Variants in SLC12A8 observed in about 807,000 individuals in gnomAD.
SLC12A8 encodes cation-chloride cotransporter 9.
In SLC12A8, 69 loss-of-function variants were observed where a neutral mutation model predicts 75.6. That is an observed-to-expected ratio of 0.91 (90% CI 0.75 to 1.11). The LOEUF (loss-of-function observed/expected upper bound fraction) is 1.11. Among genes scored for constraint, SLC12A8 ranks in the 50% most tolerant of loss-of-function variants. The pLI is 0.00. For synonymous variants in SLC12A8, 365 were observed against 372.8 expected (o/e 0.98, Z 0.24); for missense variants, 877 against 896.7 (o/e 0.98, Z 0.28).
rs773520894 is a variant in SLC12A8, at chr3:125,083,922, C to A, written c.2113G>T (p.Val705Leu). ...TRDRYHHSSL[V>L]NREQLMPHY Reference sequence around the variant, plus strand: ...TGAGGCATCAGCTGCTCCCGGTTCACGAGGGAGGAGTGGTGGTAGCGATCC... The same window carrying A: ...TGAGGCATCAGCTGCTCCCGGTTCAAGAGGGAGGAGTGGTGGTAGCGATCC... Residue 705 changes from valine to leucine, a missense_variant, in exon 14 of 14, where the codon GTG becomes TTG. Val to Leu is a conservative substitution (Grantham distance 32). Coordinates refer to ENST00000469902, the MANE Select transcript of SLC12A8 (RefSeq NM_024628.6). 11 of 1,613,208 alleles carry A rather than the reference C, an allele frequency of 6.8e-6. No homozygotes were observed. In the South Asian group the frequency reaches 7.7e-5, roughly 11 times the overall value.
chr3:125,125,623 C>T (rs913838298), intron 6 of SLC12A8, among the ~76,000 whole-genome samples: 4 of 152,070 alleles, frequency 2.6e-5, no homozygotes, highest in Non-Finnish European at 5.9e-5. Context: ...CTAGGTGATA[C>T]CCTAGCGATC....
At chr3:125,085,523 G>C (rs1938434495) in intron 13 of SLC12A8, among the ~76,000 whole-genome samples, 1 of 152,060 alleles carries the variant, frequency 6.6e-6, no homozygotes, top group Non-Finnish European at 1.5e-5. Flanking sequence ...GACTGGGAGG[G>C]GAACTCAAAA....
At position 125,120,598 on chromosome 3, in the gene SLC12A8, C is replaced by G. The variant is rs574834146; in HGVS notation, c.824+1G>C. The G allele has an allele frequency of 6.2e-7, 1 of 1,611,154 alleles. No homozygotes were observed. The highest frequency in any genetic ancestry group is 8.5e-7 in the Non-Finnish European group (1 of 1,177,922). ...GACTGATTGCCATGAGGGGAACTTA[C>G]GAGATGCCAACAGCTGCCAGGGAGC... On this transcript the variant is annotated splice_donor_variant, in intron 7 of 13. Transcript: ENST00000469902. LOFTEE classifies it high-confidence loss of function.
intron 4 of SLC12A8, among the ~76,000 whole-genome samples, chr3:125,181,824 A>G (rs1934670304): frequency 6.6e-6 from 1 of 152,030 alleles, no homozygotes. Flanking sequence ...TAGCCTGATT[A>G]CAAAGAAAAG....
At position 125,187,368 on chromosome 3, in the gene SLC12A8, C is replaced by T. The variant is rs369884855; in HGVS notation, c.259G>A (p.Val87Ile). Residue 87 changes from valine (V) to isoleucine (I), a missense_variant, in exon 4 of 14, where the codon GTC (valine) becomes ATC (isoleucine). By Grantham distance (29) the Val-to-Ile change is conservative. Coordinates refer to ENST00000469902, the MANE Select transcript of SLC12A8 (RefSeq NM_024628.6). ...ACGCCAATGCCAGACAGCACCGTGA[C>T]GAGGGCCACCAGGATGACGAAGGAC... ...LVSFVILVAL[V>I]TVLSGIGVGE... 5.2e-5 allele frequency: 84 copies of T among 1,614,052 alleles called. No individual in the cohort carries two copies. The highest frequency in any genetic ancestry group is 2.5e-4 in the Admixed American group (15 of 59,990).
chr3:125,203,785 G>A (rs1935176407), intron 2 of SLC12A8, among the ~76,000 whole-genome samples: 2 of 152,322 alleles, frequency 1.3e-5, no homozygotes, highest in Non-Finnish European at 1.5e-5. Context: ...GGAAACAGTA[G>A]AGTGAAAAGA....
intron 8 of SLC12A8, among the ~76,000 whole-genome samples, chr3:125,112,964 C>A (rs1270808290): frequency 6.6e-6 from 1 of 152,234 alleles, no homozygotes; most frequent in Non-Finnish European, 1.5e-5. Flanking sequence ...TCAAAAAATT[C>A]TTTGGGAGAG....
At chr3:125,104,810 C>T (rs903619620) in intron 10 of SLC12A8, among the ~76,000 whole-genome samples, 3 of 152,140 alleles carry the variant, frequency 2.0e-5, no homozygotes, top group African/African-American at 7.2e-5. Flanking sequence ...TAGAGGCTCA[C>T]CCTTTTGCCC....
intron 10 of SLC12A8, among the ~76,000 whole-genome samples, chr3:125,097,826 T>C (rs907813621): frequency 1.3e-5 from 2 of 152,142 alleles, no homozygotes; most frequent in Non-Finnish European, 2.9e-5. Flanking sequence ...TGTACAAACT[T>C]GTCAGAGGGG....
intron 8 of SLC12A8, among the ~76,000 whole-genome samples, chr3:125,111,742 T>C (rs942829753): frequency 6.6e-6 from 1 of 152,150 alleles, no homozygotes; most frequent in African/African-American, 2.4e-5. Flanking sequence ...TCATAAATTA[T>C]CACTGGAATA....
intron 2 of SLC12A8, among the ~76,000 whole-genome samples, chr3:125,207,605 C>A (rs1935250399): frequency 6.6e-6 from 1 of 152,180 alleles, no homozygotes. Flanking sequence ...GCATGAGATT[C>A]TGCAGGACTT....
chr3:125,155,625 G>GGGGGCAC (rs1934030770), intron 5 of SLC12A8, among the ~76,000 whole-genome samples: 1 of 119,586 alleles, frequency 8.4e-6, no homozygotes, highest in African/African-American at 3.0e-5. Context: ...CAAAAAAGTA[G>GGGGGCAC]CTGTAGTCCC....
At chr3:125,089,973 T>C (rs1377859049) in intron 12 of SLC12A8, among the ~76,000 whole-genome samples, 3 of 152,048 alleles carry the variant, frequency 2.0e-5, no homozygotes, top group Non-Finnish European at 4.4e-5. Context: ...GTAATTTCAC[T>C]CTGCTTTCTT....
chr3:125,194,867 T>C (rs1934975720), intron 2 of SLC12A8, among the ~76,000 whole-genome samples: 1 of 152,248 alleles, frequency 6.6e-6, no homozygotes, highest in Admixed American at 6.5e-5. Context: ...TCAGAGAATA[T>C]ACCCAAGCTG....
chr3:125,187,075 G>A (rs987171622), intron 4 of SLC12A8, among the ~76,000 whole-genome samples, 162 bp downstream of exon 4: 12 of 152,328 alleles, frequency 7.9e-5, no homozygotes, highest in African/African-American at 2.9e-4. Context: ...CCTGGATAGT[G>A]ACTTGACTCT....
chr3:125,143,841 C>T (rs6765325), intron 5 of SLC12A8, among the ~76,000 whole-genome samples: 21,329 of 152,138 alleles, frequency 0.14, 2,085 homozygotes, highest in East Asian at 0.37. Flanking sequence ...GAAAGTGTCC[C>T]ATAACAAGAG....
intron 6 of SLC12A8, among the ~76,000 whole-genome samples, chr3:125,121,824 A>T (rs1233125183): frequency 2.6e-5 from 4 of 152,206 alleles, no homozygotes; most frequent in African/African-American, 9.6e-5. Flanking sequence ...GTTTGGAACC[A>T]GAAAGTGAAA....
intron 10 of SLC12A8, among the ~76,000 whole-genome samples, chr3:125,095,294 G>A (rs1380753037): frequency 6.6e-6 from 1 of 152,146 alleles, no homozygotes; most frequent in East Asian, 1.9e-4. Flanking sequence ...ATCTTCATTT[G>A]AATAAATAAC....
At chr3:125,109,278 C>T (rs184790214) in intron 9 of SLC12A8, among the ~76,000 whole-genome samples, 3 of 152,272 alleles carry the variant, frequency 2.0e-5, no homozygotes, top group African/African-American at 7.2e-5. Flanking sequence ...GCTTTGAATA[C>T]CGGCATTATA....
Sources: allele counts gnomAD v4.1 joint callset (sites outside exome capture counted in the v4.1 genomes callset), GRCh38; gene constraint gnomAD v4.1.1; transcripts MANE v1.5; gene names NCBI Gene and HGNC (gene_info 2026-07-23, HGNC 2026-07-21).